The following RMDN3 variants were observed in gnomAD, a reference collection of about 807,000 sequenced individuals.
RMDN3 encodes the protein regulator of microtubule dynamics 3, also known as regulator of microtubule dynamics protein 3.
Under a neutral mutation model 61.8 loss-of-function variants are expected in RMDN3, and 41 were observed. The observed-to-expected ratio is 0.66, with a 90% CI of 0.52 to 0.86. The LOEUF is 0.86. Ranked by LOEUF, RMDN3 falls within the 40% of genes least tolerant of loss-of-function variation. The pLI, the probability that RMDN3 is intolerant of heterozygous loss-of-function variation, is 0.00. For synonymous variants in RMDN3, 247 were observed against 232.0 expected (o/e 1.06, Z -0.59); for missense variants, 557 against 585.3 (o/e 0.95, Z 0.50).
At position 40,748,809 on chromosome 15, in the gene RMDN3, G is replaced by A. The variant is rs989123523; in HGVS notation, c.524+2617C>T. 1.9e-4 allele frequency among the ~76,000 whole-genome samples: 28 copies of A among 151,278 alleles called. No homozygotes were observed. The East Asian group carries it at 2.1e-3, about 12-fold the overall frequency. The stretch of plus-strand genomic sequence containing the variant: ...GAGACAGGGTTTCACCATGTTGGCC[G>A]GGCTGGTCTCGAACTCCTGACCTCA... On this transcript the variant is annotated intron_variant, in intron 4 of 12. Coordinates refer to ENST00000338376, the MANE Select transcript of RMDN3 (RefSeq NM_018145.3).
At chr15:40,739,337 T>C (rs1340020843) in intron 7 of RMDN3, 1 of 152,230 alleles carries the variant, frequency 6.6e-6, no homozygotes, top group Non-Finnish European at 1.5e-5. Context: ...CTCATTTCCA[T>C]GTTTAATCCA....
In RMDN3 at chr15:40,754,729, C is replaced by A. The variant is rs749976107; in HGVS notation, c.55G>T (p.Gly19Cys). 56 of 1,613,378 alleles carry A rather than the reference C, an allele frequency of 3.5e-5. No individual in the cohort carries two copies. The highest frequency in any genetic ancestry group is 4.6e-5 in the Non-Finnish European group (54 of 1,179,868). ...AGGAATCCAAGGCCGGCGGCGGTAC[C>A]CAGCAACAGTCCCAGCCCGGCACGG... ...GARAGLGLLL[G>C]TAAGLGFLCL... Residue 19 changes from glycine (G) to cysteine (C), a missense_variant, in exon 2 of 13, where the codon GGT (glycine) becomes TGT (cysteine). Transcript: ENST00000338376.
At chr15:40,754,396 C>CT (rs1897951626) in intron 2 of RMDN3, among the ~76,000 whole-genome samples, 2 of 148,184 alleles carry the variant, frequency 1.3e-5, no homozygotes, top group African/African-American at 4.9e-5. Flanking sequence ...GATCCGCCCG[C>CT]CTCGGCCTCC....
chr15:40,743,434 T>A (rs1424193422), intron 6 of RMDN3, among the ~76,000 whole-genome samples: 5 of 138,640 alleles, frequency 3.6e-5, no homozygotes, highest in African/African-American at 5.4e-5. Flanking sequence ...AAAAAAAAAA[T>A]AGATATTAAC....
intron 4 of RMDN3, among the ~76,000 whole-genome samples, chr15:40,745,582 T>A (rs1897503180): frequency 2.0e-5 from 3 of 151,876 alleles, no homozygotes; most frequent in African/African-American, 7.3e-5. Context: ...CCCAGACTGG[T>A]CTCAAACCCC....
rs532608320 is a variant in RMDN3 at position 40,739,439 on chromosome 15, C to G, written c.971+694G>C. 11 of 152,400 alleles carry G rather than the reference C, an allele frequency of 7.2e-5. No homozygotes were observed. The East Asian group carries it at 1.7e-3, about 24-fold the overall frequency. The allele number at this position is 152,400 out of a possible 1,614,324, so 9.4% of individuals were successfully genotyped here. On this transcript the variant is annotated intron_variant, in intron 7 of 12. Coordinates refer to ENST00000338376, the MANE Select transcript of RMDN3 (RefSeq NM_018145.3). The stretch of plus-strand genomic sequence containing the variant: ...CAGTTACCTGGCCTCTGAGAAGAAC[C>G]CTTGCAGAGACAAAAGTTTCAGCAA...
intron 10 of RMDN3, 137 bp downstream of exon 10, chr15:40,737,491 C>A: frequency 9.0e-7 from 1 of 1,113,278 alleles, no homozygotes. Flanking sequence ...GCAAGTGATT[C>A]TGGTTTTCCC....
Position 40,736,527 on chromosome 15 carries a change from C to G in RMDN3, c.*14G>C. On this transcript the variant is annotated 3_prime_UTR_variant, in exon 13 of 13. Transcript: ENST00000338376. ...AAATAGTGGCATCAAGTCATGAAGG[C>G]CAGTGAAACGTGGTTAGTCTCGTAA... is the stretch of plus-strand genomic sequence containing the variant. 1 of 1,613,272 alleles carries G rather than the reference C, an allele frequency of 6.2e-7. No homozygotes were observed. Among genetic ancestry groups the G allele is most frequent in the Non-Finnish European group, 8.5e-7 (1 of 1,179,370 alleles).
At chr15:40,744,904 T>C (rs1470157792) in intron 5 of RMDN3, 73 bp downstream of exon 5, 1 of 1,461,878 alleles carries the variant, frequency 6.8e-7, no homozygotes, top group Non-Finnish European at 9.1e-7. Context: ...CGGGCCTTCA[T>C]TCCCCAGGGG....
chr15:40,741,584 C>CATGCCT lies in RMDN3; in HGVS notation c.911-1397_911-1392dup, dbSNP rs555828399. On this transcript the variant is annotated intron_variant, in intron 6 of 12. Coordinates refer to ENST00000338376, the MANE Select transcript of RMDN3 (RefSeq NM_018145.3). Reference sequence around the variant, plus strand: ...TTACGGACCACCAGATAAGGACCATCATGCCTATGCACTGGAGAAGACACT... The same window carrying CATGCCT: ...TTACGGACCACCAGATAAGGACCATCATGCCTATGCCTATGCACTGGAGAAGACACT... Among the ~76,000 whole-genome samples, 223 of 145,912 alleles carry CATGCCT rather than the reference C, an allele frequency of 1.5e-3. 5 individuals carry two copies. The South Asian group carries it at 0.022, about 14-fold the overall frequency.
chr15:40,745,054 G>C lies in RMDN3; in HGVS notation c.730C>G (p.Gln244Glu). The change falls in exon 5 of 13, where the codon CAG (glutamine) becomes GAG (glutamate). Residue 244 changes from glutamine to glutamate, a missense_variant. By Grantham distance (29) the Gln-to-Glu change is conservative (BLOSUM62 2). Coordinates refer to ENST00000338376, the MANE Select transcript of RMDN3 (RefSeq NM_018145.3). The stretch of plus-strand genomic sequence containing the variant: ...TCACCCCTGTGCAGCTCGTCGGCCT[G>C]CTGCAGGAGGGGCAGCACATCCTCC... Reference protein sequence around the residue: ...GLEDVLPLLQQADELHRGDEQ... With the variant: ...GLEDVLPLLQEADELHRGDEQ... 3.7e-6 allele frequency: 6 copies of C among 1,614,112 alleles called. No homozygotes were observed. The South Asian group carries it at 6.6e-5, about 18-fold the overall frequency.
intron 4 of RMDN3, among the ~76,000 whole-genome samples, chr15:40,749,521 A>G (rs1291299024): frequency 1.3e-5 from 2 of 152,204 alleles, no homozygotes; most frequent in Non-Finnish European, 2.9e-5. Flanking sequence ...TCTCAAAACA[A>G]AACAAAACAA....
chr15:40,738,918 C>CA (rs1897172611), intron 7 of RMDN3: 1 of 269,680 alleles, frequency 3.7e-6, no homozygotes, highest in African/African-American at 2.2e-5. Context: ...AGCATGAAAA[C>CA]AATCAGCATA....
At chr15:40,738,266 T>C (rs937610998) in intron 8 of RMDN3, among the ~76,000 whole-genome samples, 1 of 152,104 alleles carries the variant, frequency 6.6e-6, no homozygotes, top group African/African-American at 2.4e-5. Context: ...TACATGCCTG[T>C]AATCCCAGCT....
At chr15:40,738,644 A>G (rs1897161603) in intron 7 of RMDN3, 68 bp from the exon 8 acceptor site, 1 of 1,492,036 alleles carries the variant, frequency 6.7e-7, no homozygotes, top group Non-Finnish European at 9.3e-7. Flanking sequence ...GGATGCCCCA[A>G]CCACAGCCTA....
intron 4 of RMDN3, among the ~76,000 whole-genome samples, chr15:40,750,947 C>G (rs1173062753): frequency 1.3e-5 from 2 of 152,240 alleles, no homozygotes; most frequent in African/African-American, 4.8e-5. Context: ...CCCCGCCTCA[C>G]AGAAAGGCCT....
At chr15:40,748,436 C>T (rs553903290) in intron 4 of RMDN3, among the ~76,000 whole-genome samples, 4 of 152,282 alleles carry the variant, frequency 2.6e-5, no homozygotes, top group Admixed American at 6.5e-5. Context: ...AGCCTGAAGG[C>T]GCTATAATTA....
intron 4 of RMDN3, among the ~76,000 whole-genome samples, chr15:40,750,188 C>A (rs1452279633): frequency 6.7e-6 from 1 of 150,358 alleles, no homozygotes; most frequent in Non-Finnish European, 1.5e-5. Flanking sequence ...GGACTACCGA[C>A]CCATGCCACC....
Position 40,754,792 on chromosome 15 carries a change from T to A in RMDN3, c.-7-2A>T. ...GCTCCCAGTCTAGACATGCTGCACC[T>A]GCGGCCAGCAGAAGTCACCGGGAGC... On this transcript the variant is annotated splice_acceptor_variant, in intron 1 of 12. Coordinates refer to ENST00000338376, the MANE Select transcript of RMDN3 (RefSeq NM_018145.3). LOFTEE classifies it low-confidence loss of function (5UTR_SPLICE). 7.3e-7 allele frequency: 1 copy of A among 1,375,968 alleles called. No homozygotes were observed. Among genetic ancestry groups the A allele is most frequent in the Non-Finnish European group, 9.8e-7 (1 of 1,023,458 alleles). The allele number at this position is 1,375,968 out of a possible 1,614,324, so 85.2% of individuals were successfully genotyped here.
Sources: gnomAD v4.1 joint callset for allele counts (sites outside exome capture counted in the v4.1 genomes callset) on GRCh38, gnomAD v4.1.1 for gene constraint, MANE v1.5 for transcripts, NCBI Gene and HGNC (gene_info 2026-07-23, HGNC 2026-07-21) for gene names.